The following CLSTN2 variants were observed in gnomAD, a reference collection of about 807,000 sequenced individuals.
CLSTN2 encodes the protein calsyntenin 2.
A neutral mutation model predicts 101.2 loss-of-function variants in CLSTN2; 48 were observed. The observed-to-expected ratio is 0.47, with a 90% CI of 0.38 to 0.60. The LOEUF (loss-of-function observed/expected upper bound fraction) is 0.60, where lower values mean the gene tolerates loss of function less well. CLSTN2 is among the 20% of genes least tolerant of loss of function. CLSTN2 has a pLI of 0.00. For missense variants in CLSTN2, 1,160 were observed against 1,238.2 expected, an observed-to-expected ratio of 0.94 and a Z score of 0.95; for synonymous variants, 481 against 463.6, an observed-to-expected ratio of 1.04 and a Z score of -0.48.
chr3:140,042,874 T>C (rs2007790421), intron 1 of CLSTN2, among the ~76,000 whole-genome samples: 1 of 152,240 alleles, frequency 6.6e-6, no homozygotes, highest in Non-Finnish European at 1.5e-5. Flanking sequence ...TATGGCTGCA[T>C]AGTATTCCAT....
chr3:139,964,222 G>T (rs1449782903), intron 1 of CLSTN2, among the ~76,000 whole-genome samples: 2 of 152,154 alleles, frequency 1.3e-5, no homozygotes, highest in Non-Finnish European at 2.9e-5. Flanking sequence ...TCCTCCCTCA[G>T]CTCACCCCAG....
At chr3:140,368,867 G>A (rs1423796901) in intron 2 of CLSTN2, among the ~76,000 whole-genome samples, 1 of 152,186 alleles carries the variant, frequency 6.6e-6, no homozygotes, top group Non-Finnish European at 1.5e-5. Context: ...GAACATTTTA[G>A]AAACATTTAT....
intron 1 of CLSTN2, among the ~76,000 whole-genome samples, chr3:139,949,693 T>G (rs1057458145): frequency 2.6e-5 from 4 of 152,334 alleles, no homozygotes; most frequent in African/African-American, 9.6e-5. Flanking sequence ...AAGGCCCCAC[T>G]TTGCTCCATA....
intron 1 of CLSTN2, among the ~76,000 whole-genome samples, chr3:140,053,737 G>A (rs1406369356): frequency 6.6e-6 from 1 of 152,136 alleles, no homozygotes; most frequent in African/African-American, 2.4e-5. Flanking sequence ...GTGAGGCTTT[G>A]GTGAAGCTAC....
intron 2 of CLSTN2, among the ~76,000 whole-genome samples, chr3:140,273,821 T>A (rs2086767196): frequency 6.6e-6 from 1 of 152,186 alleles, no homozygotes; most frequent in African/African-American, 2.4e-5. Context: ...GGAAGGCACT[T>A]TGTAGTTGAT....
At chr3:140,514,452 T>G (rs1405622892) in intron 8 of CLSTN2, among the ~76,000 whole-genome samples, 1 of 152,188 alleles carries the variant, frequency 6.6e-6, no homozygotes, top group Non-Finnish European at 1.5e-5. Context: ...ATTTTGTTCC[T>G]TTTTATAGCT....
intron 2 of CLSTN2, among the ~76,000 whole-genome samples, chr3:140,199,588 C>T (rs2010692551): frequency 6.6e-6 from 1 of 152,184 alleles, no homozygotes; most frequent in African/African-American, 2.4e-5. Context: ...CCCCTGCCCA[C>T]CTGGTTATTG....
At chr3:140,368,514 C>T (rs1336053549) in intron 2 of CLSTN2, among the ~76,000 whole-genome samples, 6 of 152,216 alleles carry the variant, frequency 3.9e-5, no homozygotes, top group Non-Finnish European at 7.3e-5. Context: ...ACCACTTTCT[C>T]ATCCCCCACT....
chr3:140,086,900 T>C (rs1293271629), intron 1 of CLSTN2, among the ~76,000 whole-genome samples: 3 of 152,240 alleles, frequency 2.0e-5, no homozygotes, highest in Admixed American at 1.3e-4. Context: ...CCCATTTTCC[T>C]CATTATTCCT....
At chr3:140,257,774 A>G (rs2086616798) in intron 2 of CLSTN2, among the ~76,000 whole-genome samples, 1 of 152,064 alleles carries the variant, frequency 6.6e-6, no homozygotes, top group African/African-American at 2.4e-5. Context: ...GTTGTTTCTA[A>G]ACTTTGCTGA....
At chr3:140,431,701 G>A (rs1348522094) in intron 5 of CLSTN2, among the ~76,000 whole-genome samples, 1 of 152,156 alleles carries the variant, frequency 6.6e-6, no homozygotes, top group Non-Finnish European at 1.5e-5. Flanking sequence ...CCCACACAGG[G>A]GTAGGTGATG....
intron 1 of CLSTN2, among the ~76,000 whole-genome samples, chr3:139,937,394 A>C (rs930656147): frequency 6.6e-6 from 1 of 152,194 alleles, no homozygotes; most frequent in Non-Finnish European, 1.5e-5. Flanking sequence ...AATTATGTGC[A>C]TTTTAACCAA....
intron 2 of CLSTN2, among the ~76,000 whole-genome samples, chr3:140,268,490 G>A (rs998014068): frequency 1.3e-5 from 2 of 152,158 alleles, no homozygotes; most frequent in Non-Finnish European, 2.9e-5. Flanking sequence ...GATGTGCAAG[G>A]ACACAGGCAG....
intron 1 of CLSTN2, among the ~76,000 whole-genome samples, chr3:140,009,780 G>A (rs1455482276): frequency 1.3e-5 from 2 of 152,158 alleles, no homozygotes; most frequent in Non-Finnish European, 2.9e-5. Flanking sequence ...ATTTTCATAT[G>A]TATTTATTTC....
At chr3:140,258,167 C>G (rs1157500056) in intron 2 of CLSTN2, among the ~76,000 whole-genome samples, 1 of 151,838 alleles carries the variant, frequency 6.6e-6, no homozygotes, top group Non-Finnish European at 1.5e-5. Flanking sequence ...TTTTTCAGCC[C>G]GCTTTTATTG....
chr3:140,199,282 G>T (rs1005883658), intron 2 of CLSTN2, among the ~76,000 whole-genome samples: 2 of 152,166 alleles, frequency 1.3e-5, no homozygotes, highest in African/African-American at 4.8e-5. Context: ...AAGAAACTAT[G>T]GTGAATATGT....
chr3:140,231,343 A>T (rs2086370235), intron 2 of CLSTN2, among the ~76,000 whole-genome samples: 1 of 152,184 alleles, frequency 6.6e-6, no homozygotes, highest in Non-Finnish European at 1.5e-5. Context: ...TCTCTAAGTT[A>T]TAAATGTCTA....
intron 2 of CLSTN2, among the ~76,000 whole-genome samples, chr3:140,303,334 C>T (rs974357737): frequency 1.3e-5 from 2 of 152,150 alleles, no homozygotes; most frequent in African/African-American, 2.4e-5. Context: ...TGGCACAATG[C>T]TGGAATGCAC....
chr3:140,032,607 G>A (rs1297065959), intron 1 of CLSTN2, among the ~76,000 whole-genome samples: 1 of 152,068 alleles, frequency 6.6e-6, no homozygotes, highest in African/African-American at 2.4e-5. Flanking sequence ...AAAGTGCTGG[G>A]ATAATGGGCG....
Sources: allele counts gnomAD v4.1 joint callset (sites outside exome capture counted in the v4.1 genomes callset), GRCh38; gene constraint gnomAD v4.1.1; transcripts MANE v1.5; gene names NCBI Gene and HGNC (gene_info 2026-07-23, HGNC 2026-07-21).